The following PDE4D variants were observed in gnomAD, a reference collection of about 807,000 sequenced individuals.
PDE4D encodes phosphodiesterase 4D, also known as 3',5'-cyclic-AMP phosphodiesterase 4D.
Under a neutral mutation model 87.4 loss-of-function variants are expected in PDE4D, and 24 were observed. The observed-to-expected ratio is 0.27, with a 90% CI of 0.20 to 0.39. The LOEUF is 0.39. Ranked by LOEUF, PDE4D falls within the 10% of genes least tolerant of loss-of-function variation. The probability of loss-of-function intolerance (pLI) is 1.00; values close to 1 mark genes in which losing one functional copy is unlikely to be tolerated. For missense variants in PDE4D, 714 were observed against 1,041.0 expected, an observed-to-expected ratio of 0.69 and a Z score of 4.32; for synonymous variants, 384 against 383.2, an observed-to-expected ratio of 1.00 and a Z score of -0.02.
intron 1 of PDE4D, among the ~76,000 whole-genome samples, chr5:59,378,733 T>C (rs1785181689): frequency 6.6e-6 from 1 of 152,226 alleles, no homozygotes; most frequent in African/African-American, 2.4e-5. Context: ...AGCTTTTGCA[T>C]TGTGCCACAT....
At chr5:59,422,906 G>C (rs1794684473) in intron 1 of PDE4D, among the ~76,000 whole-genome samples, 1 of 151,864 alleles carries the variant, frequency 6.6e-6, no homozygotes. Flanking sequence ...AATCTCAGTT[G>C]GAAAATATTA....
chr5:60,310,115 C>T (rs1754872537), intron 1 of PDE4D, among the ~76,000 whole-genome samples: 1 of 152,148 alleles, frequency 6.6e-6, no homozygotes, highest in Admixed American at 6.5e-5. Context: ...CCCACAGCTG[C>T]CATACTGAAG....
Position 60,448,017 on chromosome 5 carries a change from TCTCA to T in PDE4D, c.-90+39921_-90+39924del, listed in dbSNP as rs575041576. Among the ~76,000 whole-genome samples, 619 of 152,280 alleles carry T rather than the reference TCTCA, an allele frequency of 4.1e-3. 6 individuals are homozygous for T. The highest frequency in any genetic ancestry group is 0.014 in the African/African-American group (592 of 41,560). On this transcript the variant is annotated intron_variant, in intron 1 of 16. Transcript: ENST00000502484. ...TTTGCTTATTATCATTCATCTGTAA[TCTCA>T]CTCATAAAACTTGCTTGAATCTATT...
At chr5:60,230,621 C>T (rs920120083) in intron 1 of PDE4D, among the ~76,000 whole-genome samples, 13 of 152,044 alleles carry the variant, frequency 8.6e-5, no homozygotes, top group African/African-American at 1.7e-4. Context: ...GAAGCTGGGC[C>T]TTCTTTCAAT....
intron 1 of PDE4D, among the ~76,000 whole-genome samples, chr5:59,706,814 T>C (rs989740324): frequency 1.2e-4 from 19 of 152,188 alleles, no homozygotes; most frequent in African/African-American, 4.6e-4. Flanking sequence ...CACACATATA[T>C]ACATATTTGA....
intron 5 of PDE4D, among the ~76,000 whole-genome samples, chr5:59,086,818 T>C (rs10452450): frequency 6.6e-6 from 1 of 152,036 alleles, no homozygotes; most frequent in Non-Finnish European, 1.5e-5. Context: ...CTGTCTATTT[T>C]ACTCTATAAA....
intron 1 of PDE4D, among the ~76,000 whole-genome samples, chr5:59,616,941 A>ATATATATATATC (rs1278960416): frequency 2.2e-5 from 3 of 137,744 alleles, no homozygotes; most frequent in Non-Finnish European, 1.6e-5. Flanking sequence ...ATATATATAT[A>ATATATATATATC]TATATCTCCA....
In PDE4D at chr5:59,093,514, G is replaced by A. The variant is rs74706022; in HGVS notation, c.809-54543C>T. Among the ~76,000 whole-genome samples, 51 of 152,316 alleles carry A rather than the reference G, an allele frequency of 3.3e-4. No homozygotes were observed. In the East Asian group the frequency reaches 5.8e-3, roughly 17 times the overall value. On this transcript the variant is annotated intron_variant, in intron 5 of 14. Transcript: ENST00000340635. The stretch of plus-strand genomic sequence containing the variant: ...TAGCAGTCAGTTATATGCCCCAGGC[G>A]CAAATCTCGCAGGCAGAAAGTGGGG...
chr5:60,445,259 G>A (rs1183037057), intron 1 of PDE4D, among the ~76,000 whole-genome samples: 1 of 152,108 alleles, frequency 6.6e-6, no homozygotes, highest in Non-Finnish European at 1.5e-5. Flanking sequence ...ATGTTTAACT[G>A]CATTACAGTA....
intron 1 of PDE4D, among the ~76,000 whole-genome samples, chr5:60,270,516 ATTG>A (rs1310890916): frequency 6.6e-6 from 1 of 152,144 alleles, no homozygotes; most frequent in Non-Finnish European, 1.5e-5. Context: ...CTTTATCTCT[ATTG>A]TTTTATTTTG....
chr5:59,477,295 T>C (rs900561735), intron 1 of PDE4D, among the ~76,000 whole-genome samples: 2 of 148,444 alleles, frequency 1.3e-5, no homozygotes, highest in Non-Finnish European at 3.0e-5. Context: ...ATATTAGTGC[T>C]ATAAAATATT....
rs35092276 is a variant in PDE4D at position 59,003,966 on chromosome 5, T to TA, written c.922-10502dup. Among the ~76,000 whole-genome samples the TA allele has an allele frequency of 6.1e-3, 902 of 147,284 alleles. 6 individuals are homozygous for TA. The highest frequency in any genetic ancestry group is 0.03 in the Middle Eastern group (8 of 266). On this transcript the variant is annotated intron_variant, in intron 6 of 14. Coordinates refer to ENST00000340635, the MANE Select transcript of PDE4D (RefSeq NM_001104631.2). ...CAGGCTCACTGCCTTCCCCCTCCTT[T>TA]AAAAAAAAAAAAATCCATCCATCCA...
intron 2 of PDE4D, among the ~76,000 whole-genome samples, chr5:60,023,560 C>G (rs1199466123): frequency 1.3e-5 from 2 of 152,126 alleles, no homozygotes; most frequent in Non-Finnish European, 2.9e-5. Flanking sequence ...CACCCTGATG[C>G]TCCTAGTTTT....
chr5:60,351,469 C>T (rs567612892), intron 1 of PDE4D, among the ~76,000 whole-genome samples: 1 of 152,248 alleles, frequency 6.6e-6, no homozygotes, highest in South Asian at 2.1e-4. Context: ...CCCTTTTCTG[C>T]TGGCTGGAAA....
At chr5:59,520,912 TTG>T (rs1249125162) in intron 1 of PDE4D, among the ~76,000 whole-genome samples, 4 of 150,724 alleles carry the variant, frequency 2.7e-5, no homozygotes, top group South Asian at 2.1e-4. Context: ...TATATACACG[TTG>T]TGTGTGTGTG....
intron 3 of PDE4D, among the ~76,000 whole-genome samples, chr5:59,933,888 T>C (rs972941488): frequency 6.6e-6 from 1 of 152,148 alleles, no homozygotes; most frequent in African/African-American, 2.4e-5. Context: ...CCAAGACAAC[T>C]GCAGGACTGC....
chr5:60,137,584 G>T (rs1225624350), intron 2 of PDE4D, among the ~76,000 whole-genome samples: 1 of 151,810 alleles, frequency 6.6e-6, no homozygotes, highest in Non-Finnish European at 1.5e-5. Context: ...CCACATGAAT[G>T]TCTTCTTTTG....
chr5:60,150,919 T>C lies in PDE4D; in HGVS notation c.42+34638A>G, dbSNP rs16890540. On this transcript the variant is annotated intron_variant, in intron 2 of 16. Coordinates refer to the PDE4D transcript ENST00000502484. ...ATGCATCACAGCCCCTTATCATAAA[T>C]GGAAATTTGGAAATGGCTCATATAG... Among the ~76,000 whole-genome samples, 954 of 152,278 alleles carry C rather than the reference T, an allele frequency of 6.3e-3. 11 individuals are homozygous for C. Among genetic ancestry groups the C allele is most frequent in the African/African-American group, 0.022 (901 of 41,566 alleles).
chr5:59,982,360 T>C lies in PDE4D; in HGVS notation c.272+6128A>G, dbSNP rs549032917. Among the ~76,000 whole-genome samples, 1,039 of 152,256 alleles carry C rather than the reference T, an allele frequency of 6.8e-3. 4 individuals carry two copies. The highest frequency in any genetic ancestry group is 0.011 in the Non-Finnish European group (753 of 68,010). ...CATTTTATTATAGCAGATGCAGCAA[T>C]GAAATGTAAGTAGAGAGTTTTATTG... On this transcript the variant is annotated intron_variant, in intron 3 of 16. Coordinates refer to the PDE4D transcript ENST00000502484.
Sources: gnomAD v4.1 joint callset for allele counts (sites outside exome capture counted in the v4.1 genomes callset) on GRCh38, gnomAD v4.1.1 for gene constraint, MANE v1.5 for transcripts, NCBI Gene and HGNC (gene_info 2026-07-23, HGNC 2026-07-21) for gene names.